Variants in NDRG2 observed in about 807,000 individuals in gnomAD.
NDRG2 encodes the protein protein NDRG2.
NDRG2 carries 34 observed loss-of-function variants against 58.2 expected under a neutral mutation model. That is an observed-to-expected ratio of 0.58 (90% confidence interval 0.44 to 0.78). The LOEUF (loss-of-function observed/expected upper bound fraction) is 0.78, where lower values mean the gene tolerates loss of function less well. Ranked by LOEUF, NDRG2 falls within the 30% of genes least tolerant of loss-of-function variation. The probability of loss-of-function intolerance (pLI) is 0.00; values close to 1 mark genes in which losing one functional copy is unlikely to be tolerated. For missense variants in NDRG2, 434 were observed against 471.2 expected, an observed-to-expected ratio of 0.92 and a Z score of 0.73; for synonymous variants, 187 against 175.9, an observed-to-expected ratio of 1.06 and a Z score of -0.50.
chr14:21,070,798 G>C lies in NDRG2; in HGVS notation c.24+30C>G, dbSNP rs746624904. ...TTGGTCCTGCAGCGACCCTGGAAGAGGCCCGGCCCCTCGGGTCATGAGAAC... is the reference window on the plus strand; with the variant it reads ...TTGGTCCTGCAGCGACCCTGGAAGACGCCCGGCCCCTCGGGTCATGAGAAC... On this transcript the variant is annotated intron_variant, in intron 1 of 14. Coordinates refer to the NDRG2 transcript ENST00000403829. This position sits in a 1 kb window ranked among gnomAD's most constrained non-coding sequence, Gnocchi z 4.7. 4.6e-6 allele frequency: 7 copies of C among 1,535,082 alleles called. No individual in the cohort carries two copies. The South Asian group carries it at 8.3e-5, about 18-fold the overall frequency.
upstream of NDRG2, among the ~76,000 whole-genome samples, chr14:21,026,491 G>T: frequency 1.2e-5 from 1 of 85,674 alleles, no homozygotes; most frequent in Admixed American, 1.5e-4. Context: ...GCCCCCTCCT[G>T]CCTGGGAACC....
intron 1 of NDRG2, chr14:21,057,853 C>A: frequency 6.4e-7 from 1 of 1,566,794 alleles, no homozygotes; most frequent in South Asian, 1.1e-5. Flanking sequence ...TATTCATCCA[C>A]CTACCTCCTC....
intron 1 of NDRG2, chr14:21,036,364 G>T (rs1316005407): frequency 2.4e-6 from 1 of 414,634 alleles, no homozygotes; most frequent in African/African-American, 2.1e-5. Flanking sequence ...GGCTTCCCTG[G>T]GCCACATTGG....
At chr14:21,037,506 T>C (rs1195600747) in intron 1 of NDRG2, among the ~76,000 whole-genome samples, 1 of 152,274 alleles carries the variant, frequency 6.6e-6, no homozygotes, top group Non-Finnish European at 1.5e-5. Context: ...GGAGACATTT[T>C]TGGTTGTCAC....
Position 21,020,859 on chromosome 14 carries a change from G to C in NDRG2, c.408-15C>G. On this transcript the variant is annotated splice_polypyrimidine_tract_variant and intron_variant, in intron 6 of 15. Transcript: ENST00000556147. ...TTGTAGAGAAACTGTGAAAGGGAAA[G>C]AAATATACGCCTCATGGGATCTGCT... The C allele has an allele frequency of 6.2e-7, 1 of 1,612,984 alleles. No individual in the cohort carries two copies. The highest frequency in any genetic ancestry group is 8.5e-7 in the Non-Finnish European group (1 of 1,179,858).
At chr14:21,029,935 C>A (rs576211388), upstream of NDRG2, among the ~76,000 whole-genome samples, 1 of 152,282 alleles carries the variant, frequency 6.6e-6, no homozygotes, top group South Asian at 2.1e-4. Context: ...GCAGCCCAAA[C>A]AGACTACAAC....
In NDRG2 at chr14:21,024,890, C is replaced by A. The variant is rs1882985719; in HGVS notation, c.-867G>T. 2 of 985,474 alleles carry A rather than the reference C, an allele frequency of 2.0e-6. No individual in the cohort carries two copies. The highest frequency in any genetic ancestry group is 1.2e-6 in the Non-Finnish European group (1 of 830,040). 61.0% of individuals were successfully genotyped at this position (985,474 alleles called of 1,614,324 possible). A position where few individuals can be genotyped will look rare whatever the true frequency, so the allele number is the denominator to read the frequency against. Reference sequence around the variant, plus strand: ...AGCTCTTGGAGCCTCAGCCTTTGTGCGCAGCAACCGAGCGCCCGCTCCGTG... The same window carrying A: ...AGCTCTTGGAGCCTCAGCCTTTGTGAGCAGCAACCGAGCGCCCGCTCCGTG... On this transcript the variant is annotated 5_prime_UTR_variant, in exon 1 of 16. Transcript: ENST00000556147.
chr14:21,017,620 C>A lies in NDRG2; in HGVS notation c.1092G>T (p.Gly364=). 1 of 1,613,582 alleles carries A rather than the reference C, an allele frequency of 6.2e-7. No homozygotes were observed. Among genetic ancestry groups the A allele is most frequent in the East Asian group, 2.2e-5 (1 of 44,872 alleles). ...TTCAACAGGAGACCTCCATGGTGTG[C>A]CCCGGGGGCCCCGAAGAAAGAGTTC... The part of the protein sequence containing the change: ...ESGTLSSGPP[G]HTMEVSC Residue 364 remains glycine (G), a synonymous_variant, in exon 16 of 16, where the codon GGG becomes GGT. Transcript: ENST00000556147.
Position 21,023,284 on chromosome 14 carries a change from T to C in NDRG2, c.32A>G (p.Glu11Gly). MAELQEVQITEEKPLLPGQTP... is the reference protein window; with the variant it reads MAELQEVQITGEKPLLPGQTP... ...CTGTCCTGGCAACAGTGGCTTCTCCTCTGTGATCTGCACCTCCTGCAGCTC... is the reference window on the plus strand; with the variant it reads ...CTGTCCTGGCAACAGTGGCTTCTCCCCTGTGATCTGCACCTCCTGCAGCTC... Residue 11 changes from glutamate (E) to glycine (G), a missense_variant, in exon 2 of 16, where the codon GAG (glutamate) becomes GGG (glycine). Transcript: ENST00000556147. The C allele has an allele frequency of 6.2e-7, 1 of 1,613,928 alleles. No homozygotes were observed. The highest frequency in any genetic ancestry group is 8.5e-7 in the Non-Finnish European group (1 of 1,179,946).
intron 1 of NDRG2, among the ~76,000 whole-genome samples, chr14:21,039,361 T>C (rs1594492091): frequency 6.6e-6 from 1 of 152,120 alleles, no homozygotes; most frequent in Non-Finnish European, 1.5e-5. Context: ...GAAGCAGGGG[T>C]AGAGATTGCT....
intron 1 of NDRG2, chr14:21,042,927 T>A: frequency 7.1e-7 from 1 of 1,403,622 alleles, no homozygotes; most frequent in Non-Finnish European, 9.7e-7. Context: ...GAGGACTAAT[T>A]TCTCAACTGA....
At chr14:21,062,142 GT>G (rs1885994445) in intron 1 of NDRG2, among the ~76,000 whole-genome samples, 1 of 152,190 alleles carries the variant, frequency 6.6e-6, no homozygotes, top group Non-Finnish European at 1.5e-5. Flanking sequence ...GGAAACATAA[GT>G]GTTAAAAAGC....
chr14:21,019,950 C>A lies in NDRG2; in HGVS notation c.582G>T (p.Pro194=), dbSNP rs928843315. The A allele has an allele frequency of 1.2e-6, 2 of 1,613,802 alleles. No homozygotes were observed. The highest frequency in any genetic ancestry group is 1.7e-6 in the Non-Finnish European group (2 of 1,180,016). Residue 194 remains proline (P), a synonymous_variant, in exon 9 of 16, where the codon CCG becomes CCT. Transcript: ENST00000556147. ...HKLTGLTSSI[P]EMILGHLFSQ... is the part of the protein sequence containing the mutation. ...TGAAAAGATGTCCAAGGATCATCTC[C>A]GGAATGGAAGAGGTGAGGCCTGTTA...
chr14:21,049,069 A>C (rs1273569204), intron 1 of NDRG2, among the ~76,000 whole-genome samples: 1 of 152,210 alleles, frequency 6.6e-6, no homozygotes, highest in Non-Finnish European at 1.5e-5. Context: ...AAAGATATGA[A>C]AATAAGTTGG....
intron 10 of NDRG2, among the ~76,000 whole-genome samples, chr14:21,019,423 A>G (rs1354746442): frequency 6.6e-6 from 1 of 152,188 alleles, no homozygotes; most frequent in African/African-American, 2.4e-5. Context: ...CTGGGAGTCC[A>G]ATAATCCAAA....
At chr14:21,044,586 C>A (rs142419481) in intron 1 of NDRG2, among the ~76,000 whole-genome samples, 1 of 152,282 alleles carries the variant, frequency 6.6e-6, no homozygotes, top group East Asian at 1.9e-4. Context: ...GGTTGAGATG[C>A]GAAAATGCCA....
upstream of NDRG2, chr14:21,030,539 C>A: frequency 6.3e-7 from 1 of 1,597,570 alleles, no homozygotes. Context: ...TCCTTCACCC[C>A]CAAGTGTCTC....
At chr14:21,046,542 AATACATACATACATACATAC>A (rs71112542) in intron 1 of NDRG2, among the ~76,000 whole-genome samples, 52 of 109,984 alleles carry the variant, frequency 4.7e-4, no homozygotes, top group African/African-American at 1.3e-3. Context: ...TCTCAAAACA[AATACATACATACATACATAC>A]ATACATACAT....
At chr14:21,053,665 G>A (rs974881170) in intron 1 of NDRG2, among the ~76,000 whole-genome samples, 39 of 152,118 alleles carry the variant, frequency 2.6e-4, no homozygotes, top group African/African-American at 8.4e-4. Context: ...TTAGCCACAC[G>A]TGGTGGTGCA....
Sources: gnomAD v4.1 joint callset for allele counts (sites outside exome capture counted in the v4.1 genomes callset) on GRCh38, gnomAD v4.1.1 for gene constraint, Gnocchi (gnomAD v3.1) non-coding constraint, MANE v1.5 for transcripts, NCBI Gene and HGNC (gene_info 2026-07-23, HGNC 2026-07-21) for gene names.